The following ANO10 variants were observed in gnomAD, a reference collection of about 807,000 sequenced individuals.
The protein encoded by ANO10 is anoctamin 10, also known as anoctamin-10.
Under a neutral mutation model 74.7 loss-of-function variants are expected in ANO10, and 77 were observed. The observed-to-expected ratio is 1.03, with a 90% CI of 0.86 to 1.25. The LOEUF (loss-of-function observed/expected upper bound fraction) is 1.25. Ranked by LOEUF, ANO10 falls within the 50% of genes most tolerant of loss-of-function variation. The pLI, the probability that ANO10 is intolerant of heterozygous loss-of-function variation, is 0.00. For synonymous variants in ANO10, 279 were observed against 284.9 expected, an observed-to-expected ratio of 0.98 and a Z score of 0.21; for missense variants, 721 against 778.1, an observed-to-expected ratio of 0.93 and a Z score of 0.87.
chr3:43,503,091 T>TG (rs2077158596), intron 11 of ANO10, among the ~76,000 whole-genome samples: 1 of 152,186 alleles, frequency 6.6e-6, no homozygotes, highest in African/African-American at 2.4e-5. Context: ...TTTTGTATTA[T>TG]GTATATTTTA....
At chr3:43,391,964 T>C (rs1267241939) in intron 12 of ANO10, among the ~76,000 whole-genome samples, 2 of 152,156 alleles carry the variant, frequency 1.3e-5, no homozygotes, top group Non-Finnish European at 2.9e-5. Flanking sequence ...ATGGGATGGG[T>C]GATATCTACC....
rs576335558 is a variant in ANO10, at chr3:43,615,097, T to C, written c.-12+6812A>G. Among the ~76,000 whole-genome samples, 146 of 152,006 alleles carry C rather than the reference T, an allele frequency of 9.6e-4. 1 individual carries two copies. The highest frequency in any genetic ancestry group is 3.5e-3 in the African/African-American group (145 of 41,470). On this transcript the variant is annotated intron_variant, in intron 1 of 12. Coordinates refer to ENST00000292246, the MANE Select transcript of ANO10 (RefSeq NM_018075.5). ...TATACATAATAAATAAACAGTAATA[T>C]CAAAATAACACCAGCTATCATTTGC...
intron 11 of ANO10, among the ~76,000 whole-genome samples, chr3:43,508,284 A>C (rs1334492613): frequency 6.6e-6 from 1 of 152,224 alleles, no homozygotes; most frequent in Non-Finnish European, 1.5e-5. Context: ...TATCCAACAA[A>C]GGAGTACTAC....
At chr3:43,587,417 G>A (rs970239991) in intron 4 of ANO10, among the ~76,000 whole-genome samples, 9 of 152,128 alleles carry the variant, frequency 5.9e-5, no homozygotes, top group Non-Finnish European at 1.3e-4. Flanking sequence ...AGTCCATATG[G>A]TGTAGGAACC....
At chr3:43,522,928 A>G (rs940252242) in intron 11 of ANO10, among the ~76,000 whole-genome samples, 13 of 152,134 alleles carry the variant, frequency 8.5e-5, no homozygotes, top group Non-Finnish European at 1.6e-4. Flanking sequence ...AGGGTAAAAA[A>G]TTATTACTGG....
intron 12 of ANO10, among the ~76,000 whole-genome samples, chr3:43,371,441 G>C (rs2091608985): frequency 6.6e-6 from 1 of 152,156 alleles, no homozygotes; most frequent in Non-Finnish European, 1.5e-5. Context: ...GGAGCATCAT[G>C]ATCACCCATT....
intron 1 of ANO10, among the ~76,000 whole-genome samples, chr3:43,656,139 A>G (rs2149570813): frequency 6.6e-6 from 1 of 151,956 alleles, no homozygotes; most frequent in Admixed American, 6.5e-5. Flanking sequence ...GTGTATTTAC[A>G]ATCCCTGAGC....
Position 43,366,778 on chromosome 3 carries a change from T to G in ANO10, c.*128A>C. On this transcript the variant is annotated 3_prime_UTR_variant, in exon 13 of 13. Coordinates refer to ENST00000292246, the MANE Select transcript of ANO10 (RefSeq NM_018075.5). ...GGGTGCTTGCCACATGGGAGCCACT[T>G]CGTTTGGCTAAGCATTGGGTCTGGG... The G allele has an allele frequency of 1.0e-6, 1 of 960,378 alleles. No individual in the cohort carries two copies. 59.5% of individuals were successfully genotyped at this position (960,378 alleles called of 1,614,324 possible).
At chr3:43,533,674 T>C (rs1575362226) in intron 11 of ANO10, among the ~76,000 whole-genome samples, 1 of 152,240 alleles carries the variant, frequency 6.6e-6, no homozygotes, top group Non-Finnish European at 1.5e-5. Context: ...TGCTAAATGA[T>C]GGTGAAACTG....
At chr3:43,685,059 T>C (rs1042053206) in intron 1 of ANO10, among the ~76,000 whole-genome samples, 6 of 152,210 alleles carry the variant, frequency 3.9e-5, no homozygotes, top group African/African-American at 1.4e-4. Flanking sequence ...TGTGCACATG[T>C]ACCCTAAAAC....
intron 7 of ANO10, 75 bp downstream of exon 7, chr3:43,574,734 A>G (rs2080914301): frequency 4.3e-6 from 5 of 1,169,386 alleles, no homozygotes; most frequent in Non-Finnish European, 6.3e-6. Context: ...GCAACTCTTC[A>G]TATTTGTATT....
At chr3:43,427,147 AT>A (rs1189253448) in intron 12 of ANO10, among the ~76,000 whole-genome samples, 9 of 152,092 alleles carry the variant, frequency 5.9e-5, no homozygotes, top group Non-Finnish European at 1.0e-4. Context: ...TGAAAAAAAA[AT>A]ATATAAAAAT....
chr3:43,471,173 C>T (rs2075843338), intron 11 of ANO10, among the ~76,000 whole-genome samples: 1 of 152,102 alleles, frequency 6.6e-6, no homozygotes, highest in Non-Finnish European at 1.5e-5. Context: ...AACACTTTCC[C>T]CCAGTTGGAA....
rs116734211 is a variant in ANO10, at chr3:43,602,965, T to C, written c.140-2384A>G. 5.7e-3 allele frequency among the ~76,000 whole-genome samples: 864 copies of C among 152,366 alleles called. 9 individuals are homozygous for C. The highest frequency in any genetic ancestry group is 0.02 in the African/African-American group (814 of 41,582). ...ATGAGGATTTTTAGCTCCCTTTCTTTCTTCACCATTTCCATTCATCATTCC... is the reference window on the plus strand; with the variant it reads ...ATGAGGATTTTTAGCTCCCTTTCTTCCTTCACCATTTCCATTCATCATTCC... On this transcript the variant is annotated intron_variant, in intron 2 of 12. Transcript: ENST00000292246.
At chr3:43,565,611 T>C (rs2080273350) in intron 8 of ANO10, 42 bp downstream of exon 8, 2 of 1,466,666 alleles carry the variant, frequency 1.4e-6, no homozygotes, top group South Asian at 2.5e-5. Flanking sequence ...AAACCACCTC[T>C]ATGACCTAAA....
At chr3:43,630,852 G>T (rs7652420) in intron 1 of ANO10, among the ~76,000 whole-genome samples, 5 of 152,160 alleles carry the variant, frequency 3.3e-5, no homozygotes, top group African/African-American at 1.2e-4. Context: ...TTCATGGACT[G>T]CTTCCAGTTT....
intron 11 of ANO10, among the ~76,000 whole-genome samples, chr3:43,482,195 T>A (rs916527167): frequency 7.9e-5 from 12 of 152,204 alleles, no homozygotes; most frequent in East Asian, 7.7e-4. Context: ...CCCAAAGTGC[T>A]GGGATTATAG....
At chr3:43,578,384 G>A (rs994075359) in intron 5 of ANO10, among the ~76,000 whole-genome samples, 3 of 152,100 alleles carry the variant, frequency 2.0e-5, no homozygotes, top group African/African-American at 7.2e-5. Flanking sequence ...AGTCCCCAGC[G>A]ACCCCAAATC....
chr3:43,664,301 G>C (rs996943614), intron 1 of ANO10, among the ~76,000 whole-genome samples: 2 of 152,010 alleles, frequency 1.3e-5, no homozygotes, highest in Non-Finnish European at 2.9e-5. Flanking sequence ...TATTTAATAA[G>C]TGGTGTTGGG....
Sources: gnomAD v4.1 joint callset for allele counts (sites outside exome capture counted in the v4.1 genomes callset) on GRCh38, gnomAD v4.1.1 for gene constraint, MANE v1.5 for transcripts, NCBI Gene and HGNC (gene_info 2026-07-23, HGNC 2026-07-21) for gene names.